The following ARHGAP10 variants were observed in gnomAD, a reference collection of about 807,000 sequenced individuals.
ARHGAP10 encodes the protein rho GTPase-activating protein 10.
Under a neutral mutation model 108.6 loss-of-function variants are expected in ARHGAP10, and 87 were observed. The observed-to-expected ratio is 0.80, with a 90% confidence interval of 0.67 to 0.96. The LOEUF is 0.96. Ranked by LOEUF, ARHGAP10 falls within the 40% of genes least tolerant of loss-of-function variation. The pLI is 0.00. For missense variants in ARHGAP10, 939 were observed against 954.5 expected (o/e 0.98, Z 0.21); for synonymous variants, 347 against 341.1 (o/e 1.02, Z -0.19).
chr4:147,810,879 T>G (rs1266241025), intron 1 of ARHGAP10, among the ~76,000 whole-genome samples: 1 of 152,188 alleles, frequency 6.6e-6, no homozygotes. Context: ...TAATTGAGCA[T>G]CTACTCTGTG....
intron 18 of ARHGAP10, among the ~76,000 whole-genome samples, chr4:147,977,981 G>A (rs1739662849): frequency 6.6e-6 from 1 of 152,190 alleles, no homozygotes; most frequent in South Asian, 2.1e-4. Context: ...TTGCTGCAAA[G>A]GACGTGATTT....
intron 18 of ARHGAP10, among the ~76,000 whole-genome samples, chr4:147,983,594 G>A (rs901272399): frequency 6.6e-6 from 1 of 151,084 alleles, no homozygotes; most frequent in Non-Finnish European, 1.5e-5. Context: ...CTCATCTGCC[G>A]TTAAGACTTC....
chr4:147,827,793 T>G (rs1327597568), intron 3 of ARHGAP10, among the ~76,000 whole-genome samples: 1 of 152,014 alleles, frequency 6.6e-6, no homozygotes, highest in Non-Finnish European at 1.5e-5. Context: ...GATTTCATAG[T>G]GGTCACTTAA....
intron 15 of ARHGAP10, among the ~76,000 whole-genome samples, chr4:147,947,214 T>A (rs1334710093): frequency 6.6e-6 from 1 of 150,768 alleles, no homozygotes; most frequent in Non-Finnish European, 1.5e-5. Flanking sequence ...AGCATTTTTT[T>A]ATGAGTCACT....
intron 19 of ARHGAP10, among the ~76,000 whole-genome samples, chr4:148,030,171 G>A (rs1341960509): frequency 6.6e-6 from 1 of 152,108 alleles, no homozygotes; most frequent in Non-Finnish European, 1.5e-5. Flanking sequence ...TGCTTCTGTG[G>A]TGAAAATAAG....
chr4:148,018,839 C>G (rs1468034177), intron 18 of ARHGAP10, among the ~76,000 whole-genome samples: 1 of 152,176 alleles, frequency 6.6e-6, no homozygotes, highest in Non-Finnish European at 1.5e-5. Flanking sequence ...GATGCCAACT[C>G]TACCATTTTG....
At chr4:148,007,533 G>A (rs978272760) in intron 18 of ARHGAP10, among the ~76,000 whole-genome samples, 4 of 152,172 alleles carry the variant, frequency 2.6e-5, no homozygotes, top group South Asian at 4.1e-4. Context: ...TTCTCCTTCA[G>A]CGATTCATGA....
At chr4:148,055,777 C>A (rs970859420) in intron 20 of ARHGAP10, among the ~76,000 whole-genome samples, 6 of 152,154 alleles carry the variant, frequency 3.9e-5, no homozygotes, top group African/African-American at 1.4e-4. Context: ...TGGCTCCCTG[C>A]TGCTTGAGAG....
At chr4:148,061,906 G>A (rs565853667) in intron 20 of ARHGAP10, among the ~76,000 whole-genome samples, 10 of 152,152 alleles carry the variant, frequency 6.6e-5, no homozygotes, top group African/African-American at 2.4e-4. Flanking sequence ...TATTGGTGTC[G>A]CAGGCCTTCA....
At chr4:147,947,227 CTTTTTTTTTTT>C (rs34782915) in intron 15 of ARHGAP10, among the ~76,000 whole-genome samples, 1 of 101,606 alleles carries the variant, frequency 9.8e-6, no homozygotes, top group African/African-American at 3.3e-5. Flanking sequence ...GAGTCACTGT[CTTTTTTTTTTT>C]TTTTTTTTTA....
chr4:147,772,152 C>G (rs1268047045), intron 1 of ARHGAP10, among the ~76,000 whole-genome samples: 3 of 152,336 alleles, frequency 2.0e-5, no homozygotes, highest in Admixed American at 1.3e-4. Flanking sequence ...TCTACTTCTG[C>G]TCTCTGCGCA....
At chr4:148,043,565 A>T (rs996736647) in intron 19 of ARHGAP10, among the ~76,000 whole-genome samples, 1 of 139,168 alleles carries the variant, frequency 7.2e-6, no homozygotes, top group Non-Finnish European at 1.6e-5. Context: ...AATCACTTGA[A>T]CCTAGAAGTC....
intron 1 of ARHGAP10, among the ~76,000 whole-genome samples, chr4:147,788,828 C>G (rs1157599980): frequency 2.6e-5 from 4 of 152,162 alleles, no homozygotes; most frequent in African/African-American, 9.7e-5. Context: ...TTTTCACATG[C>G]TTGAGAAAAC....
chr4:148,018,915 C>T (rs917612547), intron 18 of ARHGAP10, among the ~76,000 whole-genome samples: 2 of 152,188 alleles, frequency 1.3e-5, no homozygotes, highest in South Asian at 2.1e-4. Context: ...ATGTGTGGAA[C>T]AGTACTTACC....
intron 1 of ARHGAP10, among the ~76,000 whole-genome samples, chr4:147,762,299 C>T (rs6818043): frequency 0.091 from 13,871 of 152,082 alleles, 972 homozygotes; most frequent in African/African-American, 0.19. Context: ...GGAGCCACTG[C>T]GTCCTGCCCA....
chr4:147,818,272 G>A (rs1732338294), intron 1 of ARHGAP10, among the ~76,000 whole-genome samples: 1 of 151,552 alleles, frequency 6.6e-6, no homozygotes. Context: ...CTCAATAAAG[G>A]TTAGTTGGTT....
At chr4:147,829,936 G>A (rs1732879762) in intron 3 of ARHGAP10, among the ~76,000 whole-genome samples, 1 of 152,158 alleles carries the variant, frequency 6.6e-6, no homozygotes, top group African/African-American at 2.4e-5. Flanking sequence ...CGGGGAAGCG[G>A]GAGTGCCAGG....
chr4:147,933,158 G>T (rs1269928714), intron 13 of ARHGAP10, among the ~76,000 whole-genome samples: 2 of 152,096 alleles, frequency 1.3e-5, no homozygotes, highest in African/African-American at 2.4e-5. Flanking sequence ...TTTAGGGTTG[G>T]TCTCTGGTGC....
chr4:147,866,852 T>G, intron 7 of ARHGAP10, 36 bp downstream of exon 7: 1 of 1,500,068 alleles, frequency 6.7e-7, no homozygotes, highest in Non-Finnish European at 9.3e-7. Context: ...AAAAAGATGT[T>G]TGAAAAGTAT....
Sources: allele counts gnomAD v4.1 joint callset (sites outside exome capture counted in the v4.1 genomes callset), GRCh38; gene constraint gnomAD v4.1.1; transcripts MANE v1.5; gene names NCBI Gene and HGNC (gene_info 2026-07-23, HGNC 2026-07-21).